Variants in CCBE1 observed in about 807,000 individuals in gnomAD.
The protein encoded by CCBE1 is collagen and calcium-binding EGF domain-containing protein 1.
In CCBE1, 37 loss-of-function variants were observed where a neutral mutation model predicts 50.0. The observed-to-expected ratio is 0.74, with a 90% CI of 0.57 to 0.97. The LOEUF (loss-of-function observed/expected upper bound fraction) is 0.97, where lower values mean the gene tolerates loss of function less well. CCBE1 is among the 50% of genes least tolerant of loss of function. The pLI, the probability that CCBE1 is intolerant of heterozygous loss-of-function variation, is 0.00. For missense variants in CCBE1, 538 were observed against 523.8 expected (o/e 1.03, Z -0.26); for synonymous variants, 234 against 203.7 (o/e 1.15, Z -1.27).
rs764758739 is a variant in CCBE1, at chr18:59,435,950, A to T, written c.1179T>A (p.Thr393=). 5 of 1,613,962 alleles carry T rather than the reference A, an allele frequency of 3.1e-6. No homozygotes were observed. In the South Asian group the frequency reaches 5.5e-5, roughly 18 times the overall value. ...LGSGDDHPRR[T]ETRDLRAPRD... ...TGGGGGCTCTCAAGTCTCTTGTCTC[A>T]GTTCTTCTTGGATGGTCATCTCCAG... is the stretch of plus-strand genomic sequence containing the variant. Residue 393 remains threonine (T), a synonymous_variant, in exon 11 of 11, where the codon ACT becomes ACA. Transcript: ENST00000439986.
At chr18:59,689,267 G>A (rs1465753360) in intron 2 of CCBE1, among the ~76,000 whole-genome samples, 1 of 152,192 alleles carries the variant, frequency 6.6e-6, no homozygotes, top group Non-Finnish European at 1.5e-5. Context: ...AGAGGGCCAA[G>A]GATGAGAAGC....
At chr18:59,439,641 C>T (rs1338767838) in intron 8 of CCBE1, 36 bp downstream of exon 8, 6 of 1,614,094 alleles carry the variant, frequency 3.7e-6, no homozygotes, top group South Asian at 1.1e-5. Context: ...CACATTTTCC[C>T]CCAAAAAGGA....
At chr18:59,511,231 C>T (rs1914119722) in intron 2 of CCBE1, among the ~76,000 whole-genome samples, 1 of 152,246 alleles carries the variant, frequency 6.6e-6, no homozygotes, top group South Asian at 2.1e-4. Context: ...CACATTCCAA[C>T]TTCAGAGATA....
chr18:59,485,498 C>T (rs1029160778), intron 2 of CCBE1, among the ~76,000 whole-genome samples: 1 of 151,990 alleles, frequency 6.6e-6, no homozygotes, highest in Non-Finnish European at 1.5e-5. Context: ...TATTTGCACC[C>T]TTGCTGCAAT....
At chr18:59,529,880 G>A (rs1914981720) in intron 2 of CCBE1, among the ~76,000 whole-genome samples, 1 of 152,114 alleles carries the variant, frequency 6.6e-6, no homozygotes, top group Non-Finnish European at 1.5e-5. Flanking sequence ...GGAAAAAACT[G>A]TGCTCTCAAA....
At chr18:59,524,755 C>CTTGGG in intron 2 of CCBE1, among the ~76,000 whole-genome samples, 1 of 151,754 alleles carries the variant, frequency 6.6e-6, no homozygotes, top group Middle Eastern at 3.4e-3. Flanking sequence ...CTCTCCCACA[C>CTTGGG]CCCTCGATAG....
intron 2 of CCBE1, among the ~76,000 whole-genome samples, chr18:59,665,803 T>C (rs1220316870): frequency 1.3e-5 from 2 of 152,212 alleles, no homozygotes; most frequent in Non-Finnish European, 2.9e-5. Flanking sequence ...GTGGGTCTAG[T>C]GCGTCTGTGT....
At chr18:59,439,853 T>C in intron 7 of CCBE1, 37 bp from the exon 8 acceptor site, 2 of 1,611,350 alleles carry the variant, frequency 1.2e-6, no homozygotes, top group Non-Finnish European at 8.5e-7. Flanking sequence ...TCACAGCACA[T>C]GAGAAGGACA....
At chr18:59,533,431 A>G (rs1212677502) in intron 2 of CCBE1, among the ~76,000 whole-genome samples, 13 of 152,246 alleles carry the variant, frequency 8.5e-5, no homozygotes, top group Non-Finnish European at 1.8e-4. Context: ...AATAGAGATT[A>G]TAAAGAGAAC....
intron 7 of CCBE1, among the ~76,000 whole-genome samples, chr18:59,442,927 C>T (rs1365334991): frequency 6.6e-6 from 1 of 152,090 alleles, no homozygotes; most frequent in Non-Finnish European, 1.5e-5. Flanking sequence ...TCTAACTGCT[C>T]CCCTGCCCAG....
At chr18:59,550,205 C>T (rs1032023117) in intron 2 of CCBE1, among the ~76,000 whole-genome samples, 1 of 152,176 alleles carries the variant, frequency 6.6e-6, no homozygotes. Flanking sequence ...GGGCAAGCTT[C>T]CTCTAATTCA....
intron 2 of CCBE1, among the ~76,000 whole-genome samples, chr18:59,622,980 A>C (rs1326033030): frequency 7.2e-5 from 11 of 152,158 alleles, no homozygotes; most frequent in Non-Finnish European, 1.0e-4. Flanking sequence ...CAGAACATAC[A>C]GTGACAAGAG....
At chr18:59,573,244 C>T (rs2144490707) in intron 2 of CCBE1, among the ~76,000 whole-genome samples, 1 of 141,268 alleles carries the variant, frequency 7.1e-6, no homozygotes, top group Middle Eastern at 3.9e-3. Flanking sequence ...GGGATTGTGC[C>T]AGTGCACTCC....
At chr18:59,676,629 G>A (rs1286527981) in intron 2 of CCBE1, among the ~76,000 whole-genome samples, 3 of 152,128 alleles carry the variant, frequency 2.0e-5, no homozygotes, top group African/African-American at 7.2e-5. Context: ...TGGACACGGG[G>A]CATACAAAAA....
rs970756192 is a variant in CCBE1, at chr18:59,678,811, G to A, written c.212+17818C>T. On this transcript the variant is annotated intron_variant, in intron 2 of 10. Coordinates refer to ENST00000439986, the MANE Select transcript of CCBE1 (RefSeq NM_133459.4). ...ATCTCCCAAAGTGCTGAGGTTACAG[G>A]CATGAACCACTGCACCAGGCCCACA... Among the ~76,000 whole-genome samples, 4 of 152,152 alleles carry A rather than the reference G, an allele frequency of 2.6e-5. 1 individual carries two copies. Among genetic ancestry groups the A allele is most frequent in the Admixed American group, 1.3e-4 (2 of 15,278 alleles).
At chr18:59,616,473 G>A (rs144521981) in intron 2 of CCBE1, among the ~76,000 whole-genome samples, 95 of 152,256 alleles carry the variant, frequency 6.2e-4, no homozygotes, top group Non-Finnish European at 1.0e-3. Context: ...CTAAAAAGCC[G>A]CCCCTTTCCC....
chr18:59,558,632 C>T (rs2052686957), intron 2 of CCBE1, among the ~76,000 whole-genome samples: 1 of 152,194 alleles, frequency 6.6e-6, no homozygotes, highest in African/African-American at 2.4e-5. Flanking sequence ...CTTGGCTTGG[C>T]TCAATATGGT....
At position 59,656,341 on chromosome 18, in the gene CCBE1, C is replaced by T. The variant is rs148371285; in HGVS notation, c.212+40288G>A. ...AAATAGAGCAGAAATTTTAATCACC[C>T]TATAAAACATTCATGTTTGTGGCTT... On this transcript the variant is annotated intron_variant, in intron 2 of 10. Transcript: ENST00000439986. 3.3e-5 allele frequency among the ~76,000 whole-genome samples: 5 copies of T among 152,224 alleles called. No individual in the cohort carries two copies. The East Asian group carries it at 9.6e-4, about 29-fold the overall frequency.
intron 6 of CCBE1, 120 bp downstream of exon 6, chr18:59,454,730 TG>T: frequency 1.2e-6 from 1 of 863,824 alleles, no homozygotes; most frequent in Non-Finnish European, 1.9e-6. Context: ...CAAACCTCAC[TG>T]GCATCAACTG....
Sources: gnomAD v4.1 joint callset for allele counts (sites outside exome capture counted in the v4.1 genomes callset) on GRCh38, gnomAD v4.1.1 for gene constraint, MANE v1.5 for transcripts, NCBI Gene and HGNC (gene_info 2026-07-23, HGNC 2026-07-21) for gene names.